The following ADAMTS18 variants were observed in gnomAD, a reference collection of about 807,000 sequenced individuals.
ADAMTS18 encodes A disintegrin and metalloproteinase with thrombospondin motifs 18.
Under a neutral mutation model 165.9 loss-of-function variants are expected in ADAMTS18, and 157 were observed. The ratio of observed to expected loss-of-function variants is 0.95; its 90% confidence interval spans 0.83 to 1.08. The LOEUF (loss-of-function observed/expected upper bound fraction) is 1.08, where lower values mean the gene tolerates loss of function less well. Ranked by LOEUF, ADAMTS18 falls within the 50% of genes least tolerant of loss-of-function variation. The pLI is 0.00. For missense variants in ADAMTS18, 2,040 were observed against 1,534.0 expected, an observed-to-expected ratio of 1.33 and a Z score of -5.51; for synonymous variants, 782 against 578.2, an observed-to-expected ratio of 1.35 and a Z score of -5.06.
intron 3 of ADAMTS18, among the ~76,000 whole-genome samples, chr16:77,384,762 AGT>A (rs1353482873): frequency 1.1e-4 from 17 of 152,318 alleles, no homozygotes; most frequent in African/African-American, 4.1e-4. Flanking sequence ...AAACGTATAT[AGT>A]AAGCTACATT....
At chr16:77,386,940 C>G (rs990764670) in intron 3 of ADAMTS18, among the ~76,000 whole-genome samples, 38 of 152,144 alleles carry the variant, frequency 2.5e-4, no homozygotes, top group African/African-American at 8.4e-4. Context: ...CTACAGAAGT[C>G]TGCAAATGGG....
chr16:77,310,527 T>C (rs557240101), intron 16 of ADAMTS18, among the ~76,000 whole-genome samples: 22 of 151,156 alleles, frequency 1.5e-4, no homozygotes, highest in South Asian at 6.3e-4. Flanking sequence ...GTCTAACCCA[T>C]GTTGCTTCCC....
chr16:77,287,873 C>T (rs1024888708), intron 22 of ADAMTS18, among the ~76,000 whole-genome samples: 1 of 152,164 alleles, frequency 6.6e-6, no homozygotes, highest in Non-Finnish European at 1.5e-5. Context: ...TGTGAATATT[C>T]CACCACTTAT....
chr16:77,361,646 G>T (rs543379471), intron 7 of ADAMTS18, among the ~76,000 whole-genome samples: 28 of 152,324 alleles, frequency 1.8e-4, no homozygotes, highest in African/African-American at 6.7e-4. Context: ...GACTTTGGGA[G>T]ACCAAGGCGG....
At chr16:77,284,386 C>G (rs1166016068) in intron 22 of ADAMTS18, among the ~76,000 whole-genome samples, 1 of 152,048 alleles carries the variant, frequency 6.6e-6, no homozygotes. Flanking sequence ...CTTCGGCCTC[C>G]CAAAGTACTG....
rs1391549194 is a variant in ADAMTS18 at position 77,294,941 on chromosome 16, G to A, written c.2988C>T (p.Ser996=). The A allele has an allele frequency of 3.1e-6, 5 of 1,614,148 alleles. No homozygotes were observed. The highest frequency in any genetic ancestry group is 1.1e-5 in the South Asian group (1 of 91,082). The stretch of plus-strand genomic sequence containing the variant: ...CTGTTACCTGAGACCAGGGTCCAAG[G>A]CTCCATTGTGGAGGGCAGGCATGGC... ...CNSHACPPQW[S]LGPWSQCSKT... is the part of the protein sequence containing the mutation. The change falls in exon 19 of 23, where the codon AGC becomes AGT. Residue 996 remains serine (S), a synonymous_variant. Transcript: ENST00000282849.
intron 8 of ADAMTS18, 108 bp from the exon 9 acceptor site, chr16:77,356,185 G>C (rs1488302098): frequency 7.0e-7 from 1 of 1,428,950 alleles, no homozygotes; most frequent in African/African-American, 1.4e-5. Context: ...CCAAGTGAGA[G>C]ACAGAGTTAT....
intron 8 of ADAMTS18, among the ~76,000 whole-genome samples, chr16:77,358,535 C>T (rs547074788): frequency 5.5e-4 from 84 of 152,182 alleles, no homozygotes; most frequent in African/African-American, 1.9e-3. Flanking sequence ...GCACTCCAGC[C>T]GGGGCGACAG....
intron 16 of ADAMTS18, among the ~76,000 whole-genome samples, chr16:77,308,796 A>C (rs2055728070): frequency 6.6e-6 from 1 of 152,202 alleles, no homozygotes. Flanking sequence ...AACTGTCAAC[A>C]AAGCCTTGTG....
At chr16:77,320,936 A>T in intron 15 of ADAMTS18, 143 bp downstream of exon 15, 1 of 1,018,582 alleles carries the variant, frequency 9.8e-7, no homozygotes, top group Non-Finnish European at 1.5e-6. Context: ...TATCTCCCTT[A>T]CTCTTGCACA....
chr16:77,321,984 C>T (rs2056007463), intron 14 of ADAMTS18, among the ~76,000 whole-genome samples: 1 of 151,806 alleles, frequency 6.6e-6, no homozygotes, highest in Non-Finnish European at 1.5e-5. Context: ...GGCGAAATCC[C>T]GTCTCTACTA....
At chr16:77,290,104 C>T (rs1255493390) in intron 21 of ADAMTS18, among the ~76,000 whole-genome samples, 2 of 152,118 alleles carry the variant, frequency 1.3e-5, no homozygotes, top group Admixed American at 6.5e-5. Context: ...TGTACATATG[C>T]ATTATAATTG....
intron 3 of ADAMTS18, among the ~76,000 whole-genome samples, chr16:77,411,400 C>T (rs374909269): frequency 6.6e-6 from 1 of 152,266 alleles, no homozygotes; most frequent in Non-Finnish European, 1.5e-5. Context: ...TCTGGTTGGA[C>T]CTGCTTGGCG....
At chr16:77,340,754 G>A (rs966381940) in intron 11 of ADAMTS18, among the ~76,000 whole-genome samples, 1 of 151,906 alleles carries the variant, frequency 6.6e-6, no homozygotes, top group East Asian at 1.9e-4. Flanking sequence ...TTAAGCTTTT[G>A]TAGAGATAGG....
intron 10 of ADAMTS18, among the ~76,000 whole-genome samples, chr16:77,346,807 A>G (rs912874958): frequency 1.6e-4 from 24 of 152,222 alleles, no homozygotes; most frequent in African/African-American, 4.6e-4. Context: ...CATTTTAAAA[A>G]TCAACTTTAC....
chr16:77,407,733 A>G (rs910196988), intron 3 of ADAMTS18, among the ~76,000 whole-genome samples: 1 of 152,088 alleles, frequency 6.6e-6, no homozygotes, highest in African/African-American at 2.4e-5. Flanking sequence ...TGAATTTCCA[A>G]TTGGGAGAAA....
chr16:77,369,611 C>G (rs2056848017), intron 3 of ADAMTS18, among the ~76,000 whole-genome samples: 1 of 152,152 alleles, frequency 6.6e-6, no homozygotes, highest in Non-Finnish European at 1.5e-5. Context: ...TAAAAAGTCT[C>G]CCATCAAAGA....
At chr16:77,362,526 G>C (rs1390364574) in intron 6 of ADAMTS18, among the ~76,000 whole-genome samples, 1 of 152,152 alleles carries the variant, frequency 6.6e-6, no homozygotes, top group Non-Finnish European at 1.5e-5. Flanking sequence ...GAACACCTTT[G>C]TTCATCTTAC....
At chr16:77,353,129 T>C (rs1034428436) in intron 10 of ADAMTS18, among the ~76,000 whole-genome samples, 1 of 152,116 alleles carries the variant, frequency 6.6e-6, no homozygotes, top group Admixed American at 6.5e-5. Flanking sequence ...TCTGGTAAAG[T>C]TGAGATTGTA....
Sources: gnomAD v4.1 joint callset for allele counts (sites outside exome capture counted in the v4.1 genomes callset) on GRCh38, gnomAD v4.1.1 for gene constraint, MANE v1.5 for transcripts, NCBI Gene and HGNC (gene_info 2026-07-23, HGNC 2026-07-21) for gene names.